Variants in DTNA observed in about 807,000 individuals in gnomAD.
DTNA encodes dystrobrevin alpha.
A neutral mutation model predicts 100.7 loss-of-function variants in DTNA; 43 were observed. That is an observed-to-expected ratio of 0.43 (90% confidence interval 0.33 to 0.55). The LOEUF is 0.55. Ranked by LOEUF, DTNA falls within the 20% of genes least tolerant of loss-of-function variation. The probability of loss-of-function intolerance (pLI) is 0.04; values close to 1 mark genes in which losing one functional copy is unlikely to be tolerated. For missense variants in DTNA, 798 were observed against 953.9 expected (o/e 0.84, Z 2.15); for synonymous variants, 349 against 347.9 (o/e 1.00, Z -0.04).
At chr18:34,805,701 G>A (rs534646300) in intron 4 of DTNA, among the ~76,000 whole-genome samples, 90 of 151,870 alleles carry the variant, frequency 5.9e-4, no homozygotes, top group African/African-American at 2.1e-3. Context: ...CAGTTGGCTT[G>A]TGGGTAGGAA....
chr18:34,858,507 C>CA, intron 16 of DTNA, 109 bp downstream of exon 16: 5 of 1,117,342 alleles, frequency 4.5e-6, no homozygotes, highest in Non-Finnish European at 5.4e-6. Context: ...TAGCTGCTGA[C>CA]ATTTGTTTTT....
chr18:34,870,294 A>G (rs1161597548), intron 17 of DTNA, among the ~76,000 whole-genome samples: 3 of 152,196 alleles, frequency 2.0e-5, no homozygotes, highest in Non-Finnish European at 4.4e-5. Context: ...TAAGTCAGGA[A>G]ATTGTAGTCA....
rs2095928719 is a variant in DTNA at position 34,828,906 on chromosome 18, G to C, written c.1086-494G>C. The C allele has an allele frequency of 5.1e-6, 5 of 979,912 alleles. No homozygotes were observed. The South Asian group carries it at 5.3e-5, about 10-fold the overall frequency. 60.7% of individuals were successfully genotyped at this position (979,912 alleles called of 1,614,324 possible). A position where few individuals can be genotyped will look rare whatever the true frequency, so the allele number is the denominator to read the frequency against. ...AACTGTAAAATCTGTAAAAGACACA[G>C]GTCTGTGCATCTATCTAGGGAAGAC... On this transcript the variant is annotated intron_variant, in intron 10 of 22. Coordinates refer to ENST00000444659, the MANE Select transcript of DTNA (RefSeq NM_001386795.1).
chr18:34,890,621 G>GGGA lies in DTNA; in HGVS notation c.*2891_*2893dup. The stretch of plus-strand genomic sequence containing the variant: ...CCACAGCGCCATATTAATGGAGGAG[G>GGGA]GGAGGAAGGTGAAATCTACTGCATG... On this transcript the variant is annotated 3_prime_UTR_variant, in exon 23 of 23. Transcript: ENST00000444659. 1 of 969,414 alleles carries GGGA rather than the reference G, an allele frequency of 1.0e-6. No individual in the cohort carries two copies. The highest frequency in any genetic ancestry group is 1.8e-5 in the South Asian group (1 of 54,628). 60.1% of individuals were successfully genotyped at this position (969,414 alleles called of 1,614,324 possible).
chr18:34,814,378 T>G (rs7235339), intron 6 of DTNA, among the ~76,000 whole-genome samples: 42,056 of 150,746 alleles, frequency 0.28, 6,258 homozygotes, highest in African/African-American at 0.39. Flanking sequence ...TAGGACTGGG[T>G]TTTAAAAAAA....
chr18:34,838,962 G>A (rs1181409769), intron 13 of DTNA, 125 bp downstream of exon 13: 1 of 772,784 alleles, frequency 1.3e-6, no homozygotes, highest in Admixed American at 2.0e-5. Flanking sequence ...CTGTTAACTG[G>A]TTCAGTTAAG....
At chr18:34,499,980 T>C (rs1458802141) in intron 1 of DTNA, among the ~76,000 whole-genome samples, 1 of 152,212 alleles carries the variant, frequency 6.6e-6, no homozygotes, top group Non-Finnish European at 1.5e-5. Context: ...ATTGAACTCA[T>C]AATAGATTGA....
chr18:34,842,828 T>C (rs185398890), intron 13 of DTNA, among the ~76,000 whole-genome samples: 1 of 152,252 alleles, frequency 6.6e-6, no homozygotes, highest in African/African-American at 2.4e-5. Context: ...GCAGTCATTG[T>C]TTGGTTGGTT....
intron 1 of DTNA, among the ~76,000 whole-genome samples, chr18:34,748,720 A>C (rs1160951626): frequency 1.3e-5 from 2 of 152,124 alleles, no homozygotes; most frequent in African/African-American, 2.4e-5. Flanking sequence ...CTTGTAGTTT[A>C]ATTTGAGGTC....
At chr18:34,729,709 A>G (rs1012311135) in intron 1 of DTNA, among the ~76,000 whole-genome samples, 8 of 152,206 alleles carry the variant, frequency 5.3e-5, no homozygotes, top group African/African-American at 1.9e-4. Context: ...ACTCTCAAAG[A>G]TACAAAAGTA....
chr18:34,813,601 G>T (rs1471292096), intron 6 of DTNA, among the ~76,000 whole-genome samples: 2 of 151,846 alleles, frequency 1.3e-5, no homozygotes, highest in Non-Finnish European at 2.9e-5. Context: ...ACTCCTGTAA[G>T]CCCAGCACTT....
intron 13 of DTNA, 97 bp downstream of exon 13, chr18:34,838,934 AGTG>A: frequency 9.9e-7 from 1 of 1,009,636 alleles, no homozygotes; most frequent in Non-Finnish European, 1.6e-6. Flanking sequence ...ACTGGATGCC[AGTG>A]GTGACACTGA....
At position 34,794,159 on chromosome 18, in the gene DTNA, C is replaced by T. The variant is rs1400410105; in HGVS notation, c.271C>T (p.Gln91Ter). 1 of 1,614,012 alleles carries T rather than the reference C, an allele frequency of 6.2e-7. No individual in the cohort carries two copies. The highest frequency in any genetic ancestry group is 1.3e-5 in the African/African-American group (1 of 74,914). Residue 91 changes from glutamine to a stop codon, truncating the protein, a stop_gained, in exon 4 of 23, where the codon CAG becomes TAG. Coordinates refer to ENST00000444659, the MANE Select transcript of DTNA (RefSeq NM_001386795.1). LOFTEE classifies it high-confidence loss of function. The part of the protein sequence containing the change: ...LEAVLSTIFY[Q>*]LNKRMPTTHQ... ...GGCTGTGCTCTCCACTATTTTTTACCAGCTCAACAAACGGATGCCAACCAC... is the reference window on the plus strand; with the variant it reads ...GGCTGTGCTCTCCACTATTTTTTACTAGCTCAACAAACGGATGCCAACCAC...
intron 1 of DTNA, among the ~76,000 whole-genome samples, chr18:34,544,306 A>C (rs986552256): frequency 3.9e-5 from 6 of 152,034 alleles, no homozygotes; most frequent in Non-Finnish European, 8.8e-5. Flanking sequence ...TAAGTCTATG[A>C]TTAAATAAAT....
Position 34,775,561 on chromosome 18 carries a change from C to T in DTNA, c.148+9520C>T, listed in dbSNP as rs149546684. 1.9e-3 allele frequency among the ~76,000 whole-genome samples: 288 copies of T among 152,210 alleles called. 2 individuals are homozygous for T. Among genetic ancestry groups the T allele is most frequent in the African/African-American group, 6.5e-3 (269 of 41,546 alleles). On this transcript the variant is annotated intron_variant, in intron 3 of 22. Coordinates refer to ENST00000444659, the MANE Select transcript of DTNA (RefSeq NM_001386795.1). ...GGCAGCCGTAGAAGAGAAAATCAGA[C>T]GTTTGAAGGGACAGATGAATTTGTC... is the stretch of plus-strand genomic sequence containing the variant.
chr18:34,673,495 C>G (rs1349648405), intron 1 of DTNA, among the ~76,000 whole-genome samples: 2 of 145,476 alleles, frequency 1.4e-5, no homozygotes, highest in Non-Finnish European at 3.0e-5. Context: ...TAAAATGCAA[C>G]AGAAAGATAC....
chr18:34,598,629 C>T (rs887103422), intron 1 of DTNA, among the ~76,000 whole-genome samples: 9 of 151,994 alleles, frequency 5.9e-5, no homozygotes, highest in African/African-American at 1.9e-4. Context: ...TTTGGGAGGC[C>T]GAGACGGGTG....
chr18:34,770,019 C>G (rs1008919202), intron 3 of DTNA, among the ~76,000 whole-genome samples: 3 of 152,032 alleles, frequency 2.0e-5, no homozygotes, highest in African/African-American at 7.2e-5. Context: ...CAACGCCTGG[C>G]CTGGGGCCTC....
chr18:34,613,869 G>C (rs942681196), intron 1 of DTNA, among the ~76,000 whole-genome samples: 1 of 152,292 alleles, frequency 6.6e-6, no homozygotes, highest in Non-Finnish European at 1.5e-5. Context: ...AGAAGACTGA[G>C]GAAGATAACT....
Sources: allele counts gnomAD v4.1 joint callset (sites outside exome capture counted in the v4.1 genomes callset), GRCh38; gene constraint gnomAD v4.1.1; transcripts MANE v1.5; gene names NCBI Gene and HGNC (gene_info 2026-07-23, HGNC 2026-07-21).